Variants in PLSCR2 observed in about 807,000 individuals in gnomAD.
PLSCR2 encodes the protein phospholipid scramblase 2.
In PLSCR2, 18 loss-of-function variants were observed where a neutral mutation model predicts 25.3. That is an observed-to-expected ratio of 0.71 (90% CI 0.49 to 1.06). The LOEUF (loss-of-function observed/expected upper bound fraction) is 1.06. Ranked by LOEUF, PLSCR2 falls within the 50% of genes least tolerant of loss-of-function variation. The pLI, the probability that PLSCR2 is intolerant of heterozygous loss-of-function variation, is 0.00. For synonymous variants in PLSCR2, 88 were observed against 87.3 expected, an observed-to-expected ratio of 1.01 and a Z score of -0.04; for missense variants, 243 against 269.5, an observed-to-expected ratio of 0.90 and a Z score of 0.69.
chr3:146,427,564 A>AGCTAAT (rs1341014646), intron 2 of PLSCR2, among the ~76,000 whole-genome samples: 1 of 152,170 alleles, frequency 6.6e-6, no homozygotes, highest in African/African-American at 2.4e-5. Flanking sequence ...AAGAATACAA[A>AGCTAAT]GCTAATGGTC....
Position 146,403,391 on chromosome 3 carries a change from G to A in PLSCR2, c.101-7470C>T, listed in dbSNP as rs142596503. Among the ~76,000 whole-genome samples the A allele has an allele frequency of 3.8e-3, 574 of 152,256 alleles. 4 individuals are homozygous for A. Among genetic ancestry groups the A allele is most frequent in the African/African-American group, 0.013 (558 of 41,560 alleles). ...AGCAAATTATTGACGCCAAGCTGTG[G>A]ATTTTCTGAATCAACAATGGGTCTG... On this transcript the variant is annotated intron_variant and NMD_transcript_variant, in intron 2 of 3. Coordinates refer to the PLSCR2 transcript ENST00000463633.
chr3:146,420,529 G>C (rs2039113475), intron 2 of PLSCR2, among the ~76,000 whole-genome samples: 1 of 151,896 alleles, frequency 6.6e-6, no homozygotes, highest in Non-Finnish European at 1.5e-5. Context: ...CAAGCAAAAA[G>C]ATATAAAGCA....
At chr3:146,441,819 G>A (rs1277667922) in exon 7 of PLSCR2, 4 of 1,583,684 alleles carry the variant, frequency 2.5e-6, no homozygotes, top group Non-Finnish European at 3.5e-6. Flanking sequence ...AAAACATGTA[G>A]TCCTGGATAA....
chr3:146,427,123 C>A (rs2108104214), intron 2 of PLSCR2, among the ~76,000 whole-genome samples: 1 of 152,276 alleles, frequency 6.6e-6, no homozygotes, highest in South Asian at 2.1e-4. Flanking sequence ...ACTTTGACAA[C>A]TTTGAGAACT....
intron 8 of PLSCR2, among the ~76,000 whole-genome samples, chr3:146,435,957 T>C (rs1370426293): frequency 6.6e-6 from 1 of 152,196 alleles, no homozygotes; most frequent in Non-Finnish European, 1.5e-5. Flanking sequence ...GTATAAGGTG[T>C]AAGGAAGGGA....
chr3:146,418,129 A>C (rs1375531496), intron 2 of PLSCR2, among the ~76,000 whole-genome samples: 1 of 152,138 alleles, frequency 6.6e-6, no homozygotes, highest in Non-Finnish European at 1.5e-5. Flanking sequence ...ATGTTTGAAA[A>C]ATACCTTTTT....
At chr3:146,489,010 C>G (rs2043448090) in intron 1 of PLSCR2, among the ~76,000 whole-genome samples, 2 of 152,086 alleles carry the variant, frequency 1.3e-5, no homozygotes, top group Admixed American at 1.3e-4. Context: ...AGATCATGTC[C>G]TTTGCAGGAC....
At chr3:146,411,874 A>G (rs1468712350) in intron 2 of PLSCR2, among the ~76,000 whole-genome samples, 1 of 152,204 alleles carries the variant, frequency 6.6e-6, no homozygotes, top group Non-Finnish European at 1.5e-5. Context: ...TTACAAGGTG[A>G]TAGACTCAGG....
intron 1 of PLSCR2, among the ~76,000 whole-genome samples, chr3:146,489,708 C>T (rs921206915): frequency 3.3e-5 from 5 of 152,064 alleles, no homozygotes; most frequent in African/African-American, 9.7e-5. Context: ...TTTGCCTTTT[C>T]GATCTTCTAA....
chr3:146,430,224 C>T (rs1430562823), downstream of PLSCR2, among the ~76,000 whole-genome samples: 19 of 152,076 alleles, frequency 1.2e-4, no homozygotes, highest in Non-Finnish European at 2.5e-4. Flanking sequence ...TTATAAATTA[C>T]CCAGCCTCAG....
intron 2 of PLSCR2, among the ~76,000 whole-genome samples, chr3:146,416,094 G>A (rs995479476): frequency 3.9e-5 from 6 of 152,028 alleles, no homozygotes; most frequent in African/African-American, 9.7e-5. Flanking sequence ...GGGACTACAG[G>A]TGCCCACCAC....
At chr3:146,468,780 C>T (rs2041977796) in intron 1 of PLSCR2, among the ~76,000 whole-genome samples, 2 of 151,726 alleles carry the variant, frequency 1.3e-5, no homozygotes, top group Admixed American at 6.6e-5. Flanking sequence ...TGATTCATGT[C>T]CGTTGCATTT....
intron 2 of PLSCR2, among the ~76,000 whole-genome samples, chr3:146,413,583 A>G (rs2038921002): frequency 6.6e-6 from 1 of 152,182 alleles, no homozygotes; most frequent in Admixed American, 6.5e-5. Context: ...AACTCTGCCA[A>G]GTTCTCTGCA....
chr3:146,490,306 A>G (rs2043500454), intron 1 of PLSCR2, among the ~76,000 whole-genome samples: 4 of 152,108 alleles, frequency 2.6e-5, no homozygotes, highest in South Asian at 2.1e-4. Flanking sequence ...GCCTGAGAAT[A>G]TTCCTTTGTG....
intron 2 of PLSCR2, among the ~76,000 whole-genome samples, chr3:146,406,197 C>T (rs897058492): frequency 2.0e-5 from 3 of 152,186 alleles, no homozygotes; most frequent in African/African-American, 4.8e-5. Flanking sequence ...GAGCAGGCCG[C>T]TAAAGTTACA....
intron 6 of PLSCR2, among the ~76,000 whole-genome samples, chr3:146,444,773 A>G (rs1384674766): frequency 6.6e-6 from 1 of 151,934 alleles, no homozygotes; most frequent in East Asian, 1.9e-4. Flanking sequence ...ATTGATAAGT[A>G]AGGACTTACT....
At chr3:146,413,743 C>T (rs972892748) in intron 2 of PLSCR2, among the ~76,000 whole-genome samples, 29 of 152,204 alleles carry the variant, frequency 1.9e-4, no homozygotes, top group Admixed American at 1.0e-3. Flanking sequence ...TCTCAGACTT[C>T]CTTATAGCTA....
intron 2 of PLSCR2, among the ~76,000 whole-genome samples, chr3:146,405,161 A>AG (rs761371921): frequency 2.6e-5 from 4 of 152,000 alleles, no homozygotes; most frequent in Non-Finnish European, 5.9e-5. Flanking sequence ...TAGAAAGGGG[A>AG]GGGGGGTCTA....
In PLSCR2 at chr3:146,455,230, C is replaced by T; in HGVS notation, c.321+9G>A. ...ACTTTATGAAAAGCTCTAGTAATTG[C>T]TCACATACCTCCTGAAGGCAGCAGG... On this transcript the variant is annotated intron_variant, in intron 4 of 6. Coordinates refer to ENST00000610787, the Ensembl canonical transcript of PLSCR2. 6.3e-7 allele frequency: 1 copy of T among 1,585,522 alleles called. No individual in the cohort carries two copies. Among genetic ancestry groups the T allele is most frequent in the Non-Finnish European group, 8.7e-7 (1 of 1,154,148 alleles).
Sources: gnomAD v4.1 joint callset for allele counts (sites outside exome capture counted in the v4.1 genomes callset) on GRCh38, gnomAD v4.1.1 for gene constraint, MANE v1.5 for transcripts, NCBI Gene and HGNC (gene_info 2026-07-23, HGNC 2026-07-21) for gene names.